Variants in LSM14A observed in about 807,000 individuals in gnomAD.
LSM14A encodes the protein LSM14A mRNA processing body assembly factor.
In LSM14A, 14 loss-of-function variants were observed where a neutral mutation model predicts 52.4. The ratio of observed to expected loss-of-function variants is 0.27; its 90% CI spans 0.18 to 0.42. The LOEUF is 0.42. Ranked by LOEUF, LSM14A falls within the 10% of genes least tolerant of loss-of-function variation. The pLI, the probability that LSM14A is intolerant of heterozygous loss-of-function variation, is 1.00. For missense variants in LSM14A, 417 were observed against 581.8 expected, an observed-to-expected ratio of 0.72 and a Z score of 2.91; for synonymous variants, 185 against 200.3, an observed-to-expected ratio of 0.92 and a Z score of 0.64.
At chr19:34,173,398 AAAT>A (rs565116433) in intron 1 of LSM14A, among the ~76,000 whole-genome samples, 44 of 152,194 alleles carry the variant, frequency 2.9e-4, no homozygotes, top group African/African-American at 1.1e-3. Flanking sequence ...CGCGTGGTAA[AAAT>A]GCTTGCTGCT....
At chr19:34,178,800 T>C (rs902844227) in intron 1 of LSM14A, among the ~76,000 whole-genome samples, 1 of 152,228 alleles carries the variant, frequency 6.6e-6, no homozygotes, top group Non-Finnish European at 1.5e-5. Context: ...TTGAAGAATT[T>C]CAGTGAGTAG....
Position 34,217,076 on chromosome 19 carries a change from C to T in LSM14A, c.781+1415C>T, listed in dbSNP as rs542922656. ...GGAGTTTGAGATCAGCCTGGCCATA[C>T]GGTGAAACCCTGTCTCTACTAAAAA... is the stretch of plus-strand genomic sequence containing the variant. On this transcript the variant is annotated intron_variant, in intron 6 of 9. Coordinates refer to ENST00000544216, the MANE Select transcript of LSM14A (RefSeq NM_015578.4). Among the ~76,000 whole-genome samples the T allele has an allele frequency of 1.2e-3, 185 of 152,030 alleles. 1 individual carries two copies. The highest frequency in any genetic ancestry group is 4.2e-3 in the African/African-American group (174 of 41,468).
At chr19:34,215,775 G>T in intron 6 of LSM14A, 114 bp downstream of exon 6, 1 of 738,596 alleles carries the variant, frequency 1.4e-6, no homozygotes. Context: ...TGACTGTAAA[G>T]GAGGAGCACA....
At chr19:34,215,512 T>A in intron 5 of LSM14A, 84 bp from the exon 6 acceptor site, 2 of 1,276,940 alleles carry the variant, frequency 1.6e-6, no homozygotes, top group Non-Finnish European at 2.3e-6. Flanking sequence ...GGTTTTTTGG[T>A]TTGTTTGTTT....
At chr19:34,204,857 C>T (rs947760226) in intron 3 of LSM14A, among the ~76,000 whole-genome samples, 1 of 151,934 alleles carries the variant, frequency 6.6e-6, no homozygotes, top group East Asian at 1.9e-4. Flanking sequence ...TTCGGCTGGG[C>T]GCAATGGCTC....
At chr19:34,179,456 G>GT (rs773119075) in intron 1 of LSM14A, among the ~76,000 whole-genome samples, 12 of 152,318 alleles carry the variant, frequency 7.9e-5, no homozygotes, top group South Asian at 4.1e-4. Flanking sequence ...CAAAGATCTA[G>GT]TGAAACTTCA....
intron 6 of LSM14A, among the ~76,000 whole-genome samples, chr19:34,218,035 G>T (rs1478458388): frequency 4.6e-5 from 5 of 108,648 alleles, no homozygotes; most frequent in Admixed American, 3.6e-4. Context: ...ATAGAATCTC[G>T]CTCTGTCACC....
At position 34,215,298 on chromosome 19, in the gene LSM14A, G is replaced by A. The variant is rs36006556; in HGVS notation, c.713G>A (p.Arg238Gln). 0.023 allele frequency: 37,632 copies of A among 1,608,406 alleles called. 556 individuals carry two copies. The highest frequency in any genetic ancestry group is 0.029 in the Non-Finnish European group (33,665 of 1,177,800). ...QKAGENQEHR[R>Q]AEVHKVSRPE... ...GCAGGAGAGAATCAGGAGCACAGGC[G>A]AGGTAGAACTTTAGCTGTTTACTGT... is the stretch of plus-strand genomic sequence containing the variant. Residue 238 changes from arginine to glutamine, a missense_variant and splice_region_variant, in exon 5 of 10, where the codon CGA (arginine) becomes CAA (glutamine). Arg to Gln is a conservative substitution (Grantham distance 43, BLOSUM62 1). Around this residue, in one of 2 missense-constraint regions of LSM14A, gnomAD observed 357 missense variants for 457.0 expected, o/e 0.78. Transcript: ENST00000544216.
chr19:34,222,273 A>G (rs1304931695), intron 9 of LSM14A, among the ~76,000 whole-genome samples: 1 of 152,176 alleles, frequency 6.6e-6, no homozygotes, highest in African/African-American at 2.4e-5. Flanking sequence ...AGTACTCTTA[A>G]TTTGGTTTTG....
At chr19:34,223,704 GA>G (rs2073189084) in intron 9 of LSM14A, among the ~76,000 whole-genome samples, 1 of 152,176 alleles carries the variant, frequency 6.6e-6, no homozygotes, top group Non-Finnish European at 1.5e-5. Context: ...GCTACATTTT[GA>G]ACAACCTGTG....
intron 3 of LSM14A, among the ~76,000 whole-genome samples, chr19:34,198,021 A>T (rs970832498): frequency 1.8e-4 from 22 of 122,068 alleles, no homozygotes; most frequent in African/African-American, 7.0e-4. Flanking sequence ...AACAGCTTTT[A>T]AAAAAAAATC....
At chr19:34,192,981 A>T (rs983458080) in intron 1 of LSM14A, among the ~76,000 whole-genome samples, 1 of 152,214 alleles carries the variant, frequency 6.6e-6, no homozygotes, top group Non-Finnish European at 1.5e-5. Flanking sequence ...TCCATCTCAA[A>T]AAAAAAGAAA....
chr19:34,179,864 C>G (rs1277578176), intron 1 of LSM14A, among the ~76,000 whole-genome samples: 1 of 152,140 alleles, frequency 6.6e-6, no homozygotes, highest in African/African-American at 2.4e-5. Flanking sequence ...TTGTCTTTCT[C>G]TCATGATGCT....
chr19:34,183,505 C>T (rs1175320731), intron 1 of LSM14A, among the ~76,000 whole-genome samples: 2 of 151,804 alleles, frequency 1.3e-5, no homozygotes, highest in South Asian at 2.1e-4. Context: ...GAGCTGAGAT[C>T]GTGCTATTGC....
chr19:34,183,977 G>A (rs976858790), intron 1 of LSM14A, among the ~76,000 whole-genome samples: 1 of 151,630 alleles, frequency 6.6e-6, no homozygotes. Flanking sequence ...CTTCTTTGTT[G>A]ATGTTTAGTC....
At chr19:34,202,726 C>T (rs1345719174) in intron 3 of LSM14A, among the ~76,000 whole-genome samples, 1 of 152,136 alleles carries the variant, frequency 6.6e-6, no homozygotes, top group Admixed American at 6.5e-5. Flanking sequence ...CGCATCTCCG[C>T]TCACTGCAAG....
chr19:34,198,131 T>C (rs975530988), intron 3 of LSM14A, among the ~76,000 whole-genome samples: 2 of 152,178 alleles, frequency 1.3e-5, no homozygotes, highest in Non-Finnish European at 1.5e-5. Context: ...TTGAAATAAT[T>C]ATCAGTTTAC....
chr19:34,217,717 C>A (rs1235904088), intron 6 of LSM14A, among the ~76,000 whole-genome samples: 1 of 146,374 alleles, frequency 6.8e-6, no homozygotes, highest in East Asian at 2.0e-4. Context: ...GCAACCTCCA[C>A]CGCCCGGGTT....
intron 1 of LSM14A, among the ~76,000 whole-genome samples, chr19:34,177,605 G>A (rs976428400): frequency 3.3e-5 from 5 of 152,138 alleles, no homozygotes; most frequent in African/African-American, 4.8e-5. Flanking sequence ...AAAACATCCC[G>A]GCTGGGCAGG....
Sources: allele counts gnomAD v4.1 joint callset (sites outside exome capture counted in the v4.1 genomes callset), GRCh38; gene constraint gnomAD v4.1.1; regional missense constraint gnomAD v4.1.1; transcripts MANE v1.5; gene names NCBI Gene and HGNC (gene_info 2026-07-23, HGNC 2026-07-21).